The following DEAF1 variants were observed in gnomAD, a reference collection of about 807,000 sequenced individuals.
The protein encoded by DEAF1 is deformed epidermal autoregulatory factor 1 homolog.
DEAF1 carries 53 observed loss-of-function variants against 58.9 expected under a neutral mutation model. The ratio of observed to expected loss-of-function variants is 0.90; its 90% CI spans 0.72 to 1.13. The LOEUF is 1.13. Ranked by LOEUF, DEAF1 falls within the 50% of genes most tolerant of loss-of-function variation. The pLI is 0.00. For synonymous variants in DEAF1, 385 were observed against 340.4 expected (o/e 1.13, Z -1.44); for missense variants, 685 against 791.4 (o/e 0.87, Z 1.61).
chr11:705,600 C>T (rs1447225126), intron 1 of DEAF1: 1 of 152,936 alleles, frequency 6.5e-6, no homozygotes, highest in Non-Finnish European at 1.5e-5. Flanking sequence ...GCACTGTGAA[C>T]TCAGGGCTCC....
At chr11:653,582 G>A (rs568967394) in intron 11 of DEAF1, among the ~76,000 whole-genome samples, 1 of 149,556 alleles carries the variant, frequency 6.7e-6, no homozygotes, top group East Asian at 2.0e-4. Context: ...GGTGTGGAGG[G>A]CTGAATAATA....
chr11:652,087 T>C (rs1366566156), intron 11 of DEAF1, among the ~76,000 whole-genome samples: 5 of 152,296 alleles, frequency 3.3e-5, no homozygotes, highest in Admixed American at 3.3e-4. Flanking sequence ...GATAAGACCA[T>C]ACGCTAGGCC....
At chr11:702,331 G>A (rs1481666877) in intron 1 of DEAF1, among the ~76,000 whole-genome samples, 4 of 152,238 alleles carry the variant, frequency 2.6e-5, no homozygotes, top group East Asian at 1.9e-4. Context: ...ACAGAGGCCC[G>A]GTTCTTGGCT....
intron 1 of DEAF1, chr11:703,298 A>G: frequency 7.0e-7 from 1 of 1,428,274 alleles, no homozygotes; most frequent in East Asian, 2.6e-5. Context: ...CTGTTCTGGC[A>G]GGAGTGGGAG....
intron 1 of DEAF1, chr11:703,644 G>A: frequency 8.1e-7 from 1 of 1,232,824 alleles, no homozygotes; most frequent in Non-Finnish European, 1.0e-6. Flanking sequence ...GACGCAGGAT[G>A]GGGTAGGCCT....
chr11:664,094 T>C (rs984871243), intron 10 of DEAF1, among the ~76,000 whole-genome samples: 2 of 151,866 alleles, frequency 1.3e-5, no homozygotes, highest in Non-Finnish European at 2.9e-5. Flanking sequence ...ATGCCTGTAT[T>C]CCCAGCTACT....
chr11:667,036 AAAAC>A (rs1250762572), intron 10 of DEAF1, among the ~76,000 whole-genome samples: 1 of 151,918 alleles, frequency 6.6e-6, no homozygotes, highest in Non-Finnish European at 1.5e-5. Flanking sequence ...CCATCTATAC[AAAAC>A]AAACAAAAAA....
In DEAF1 at chr11:678,790, C is replaced by T; in HGVS notation, c.1159G>A (p.Ala387Thr). The change falls in exon 9 of 12, where the codon GCC becomes ACC. Residue 387 changes from alanine to threonine, a missense_variant. Transcript: ENST00000382409. ...GGGTAGTGAGGCTCAGGGTGGCTGGCCCTGCATGGGGGCTGCACGCTGGCC... is the reference window on the plus strand; with the variant it reads ...GGGTAGTGAGGCTCAGGGTGGCTGGTCCTGCATGGGGGCTGCACGCTGGCC... ...QEASVQPPCRASHPEPHYPGY... is the reference protein window; with the variant it reads ...QEASVQPPCRTSHPEPHYPGY... 1.2e-6 allele frequency: 2 copies of T among 1,614,110 alleles called. No individual in the cohort carries two copies. Among genetic ancestry groups the T allele is most frequent in the Non-Finnish European group, 1.7e-6 (2 of 1,179,996 alleles).
chr11:699,815 A>T, upstream of DEAF1: 2 of 282,898 alleles, frequency 7.1e-6, no homozygotes, highest in Non-Finnish European at 1.3e-5. Context: ...GGCCAAAGGC[A>T]GGGTGACATC....
chr11:704,139 T>G (rs1590040838), intron 1 of DEAF1: 3 of 1,123,544 alleles, frequency 2.7e-6, no homozygotes, highest in East Asian at 1.4e-4. Context: ...ATTCTCCTAA[T>G]TATGGCCACC....
At chr11:653,163 T>G (rs1056077061) in intron 11 of DEAF1, among the ~76,000 whole-genome samples, 1 of 145,116 alleles carries the variant, frequency 6.9e-6, no homozygotes, top group Admixed American at 6.8e-5. Flanking sequence ...AGTTATACAA[T>G]CCTGAACTAC....
intron 10 of DEAF1, among the ~76,000 whole-genome samples, chr11:672,024 C>T (rs1859850862): frequency 6.6e-6 from 1 of 152,146 alleles, no homozygotes; most frequent in African/African-American, 2.4e-5. Context: ...GTCATTACCT[C>T]AATAGTCATT....
chr11:658,318 A>G (rs1423221282), intron 10 of DEAF1, among the ~76,000 whole-genome samples: 1 of 152,056 alleles, frequency 6.6e-6, no homozygotes, highest in Non-Finnish European at 1.5e-5. Context: ...ACTCCCGGCT[A>G]CTCGCGAGGC....
At chr11:698,489 A>T (rs148811910), upstream of DEAF1, among the ~76,000 whole-genome samples, 1,233 of 152,338 alleles carry the variant, frequency 8.1e-3, 14 homozygotes, top group African/African-American at 0.028. Flanking sequence ...TCATCTAGTC[A>T]TATATGTGTG....
At chr11:691,418 G>C (rs1860829189) in intron 2 of DEAF1, 83 bp downstream of exon 2, 2 of 1,319,306 alleles carry the variant, frequency 1.5e-6, no homozygotes. Flanking sequence ...ACAGCGGGCT[G>C]AACCCCGGGA....
intron 10 of DEAF1, among the ~76,000 whole-genome samples, chr11:664,024 C>A (rs1024605364): frequency 1.3e-5 from 2 of 152,060 alleles, no homozygotes; most frequent in African/African-American, 4.8e-5. Context: ...ACCAGCCTGA[C>A]CAACATGAAG....
chr11:694,793 G>A lies in DEAF1; in HGVS notation c.255C>T (p.Gly85=), dbSNP rs1311769823. The A allele has an allele frequency of 5.1e-6, 7 of 1,375,662 alleles. No homozygotes were observed. The East Asian group carries it at 1.6e-4, about 31-fold the overall frequency. 85.2% of individuals were successfully genotyped at this position (1,375,662 alleles called of 1,614,324 possible). ...CTGCGGCAGCGGCGGCCTCGTCGGGGCCGGGCAGGGCCTCGGCGCCCATGT... is the reference window on the plus strand; with the variant it reads ...CTGCGGCAGCGGCGGCCTCGTCGGGACCGGGCAGGGCCTCGGCGCCCATGT... ...HMDMGAEALP[G]PDEAAAAAAF... is the part of the protein sequence containing the mutation. Residue 85 remains glycine (G), a synonymous_variant, in exon 1 of 12, where the codon GGC becomes GGT. Coordinates refer to ENST00000382409, the MANE Select transcript of DEAF1 (RefSeq NM_021008.4).
upstream of DEAF1, chr11:695,861 G>T (rs1215589979): frequency 8.1e-7 from 1 of 1,228,412 alleles, no homozygotes; most frequent in Non-Finnish European, 1.0e-6. Flanking sequence ...GCTCGGGCGG[G>T]GTGGGGGCTT....
chr11:660,219 C>T (rs999695058), intron 10 of DEAF1, among the ~76,000 whole-genome samples: 2 of 152,204 alleles, frequency 1.3e-5, no homozygotes, highest in South Asian at 2.1e-4. Context: ...AAAGCTGAGC[C>T]GCACACGTAA....
Sources: gnomAD v4.1 joint callset for allele counts (sites outside exome capture counted in the v4.1 genomes callset) on GRCh38, gnomAD v4.1.1 for gene constraint, MANE v1.5 for transcripts, NCBI Gene and HGNC (gene_info 2026-07-23, HGNC 2026-07-21) for gene names.